CCSER1: variants seen among roughly 807,000 people sequenced by gnomAD.
The protein encoded by CCSER1 is coiled-coil serine rich protein 1, also known as serine-rich coiled-coil domain-containing protein 1.
In CCSER1, 41 loss-of-function variants were observed where a neutral mutation model predicts 82.0. The ratio of observed to expected loss-of-function variants is 0.50; its 90% CI spans 0.39 to 0.65. CCSER1 has a LOEUF of 0.65. CCSER1 is among the 30% of genes least tolerant of loss of function. CCSER1 has a pLI of 0.00. For synonymous variants in CCSER1, 414 were observed against 383.9 expected (o/e 1.08, Z -0.92); for missense variants, 1,119 against 1,064.2 (o/e 1.05, Z -0.72).
chr4:90,332,332 G>T (rs1166272382), intron 3 of CCSER1, among the ~76,000 whole-genome samples: 1 of 151,854 alleles, frequency 6.6e-6, no homozygotes, highest in African/African-American at 2.4e-5. Context: ...CGCCTACTGG[G>T]TTCAAGCAAT....
intron 4 of CCSER1, among the ~76,000 whole-genome samples, chr4:90,425,326 G>GA (rs1757376722): frequency 6.6e-6 from 1 of 152,034 alleles, no homozygotes; most frequent in African/African-American, 2.4e-5. Flanking sequence ...GAGAGAGAGA[G>GA]GAAGAGAGAG....
intron 6 of CCSER1, among the ~76,000 whole-genome samples, chr4:90,632,860 A>G (rs1479259275): frequency 6.6e-6 from 1 of 152,100 alleles, no homozygotes; most frequent in Non-Finnish European, 1.5e-5. Context: ...TACTGAAGTT[A>G]CTTCACAACT....
chr4:91,265,161 A>C (rs563696126), intron 10 of CCSER1, among the ~76,000 whole-genome samples: 2 of 151,980 alleles, frequency 1.3e-5, no homozygotes, highest in Non-Finnish European at 2.9e-5. Flanking sequence ...TTATAGACTA[A>C]TGTCCCTTAC....
intron 10 of CCSER1, among the ~76,000 whole-genome samples, chr4:91,182,175 G>A (rs758460190): frequency 1.3e-5 from 2 of 152,142 alleles, no homozygotes; most frequent in Non-Finnish European, 2.9e-5. Flanking sequence ...TGCTGCAACC[G>A]AAGGGTCCTT....
At chr4:90,377,924 G>A (rs1253328578) in intron 3 of CCSER1, among the ~76,000 whole-genome samples, 2 of 152,076 alleles carry the variant, frequency 1.3e-5, no homozygotes, top group African/African-American at 4.8e-5. Context: ...TATAGAAATA[G>A]TGTCATTGTC....
chr4:90,159,847 T>C (rs980440584), intron 1 of CCSER1, among the ~76,000 whole-genome samples: 3 of 152,222 alleles, frequency 2.0e-5, no homozygotes, highest in African/African-American at 7.2e-5. Flanking sequence ...TTGAGGATTG[T>C]TTTATTTCAG....
At chr4:91,484,793 C>T (rs1758130959) in intron 10 of CCSER1, among the ~76,000 whole-genome samples, 1 of 152,102 alleles carries the variant, frequency 6.6e-6, no homozygotes, top group African/African-American at 2.4e-5. Context: ...ACCACTGAAT[C>T]AGAAACTCTT....
chr4:90,496,361 A>G (rs1769002035), intron 5 of CCSER1, among the ~76,000 whole-genome samples: 1 of 152,196 alleles, frequency 6.6e-6, no homozygotes, highest in Non-Finnish European at 1.5e-5. Flanking sequence ...TGTATTTAGG[A>G]GTTAGAATTT....
rs552408786 is a variant in CCSER1, at chr4:90,548,781, TACAC to T, written c.1725-79238_1725-79235del. On this transcript the variant is annotated intron_variant, in intron 5 of 10. Coordinates refer to ENST00000509176, the MANE Select transcript of CCSER1 (RefSeq NM_001145065.2). Reference sequence around the variant, plus strand: ...ACACACAGACATATATACACACACATACACACACATACTAGCATATTCTTTATCA... The same window carrying T: ...ACACACAGACATATATACACACACATACACATACTAGCATATTCTTTATCA... Among the ~76,000 whole-genome samples the T allele has an allele frequency of 2.8e-4, 42 of 151,416 alleles. 1 individual carries two copies. In the South Asian group the frequency reaches 8.1e-3, roughly 29 times the overall value.
intron 8 of CCSER1, among the ~76,000 whole-genome samples, chr4:90,899,392 C>T (rs1724256379): frequency 6.6e-6 from 1 of 151,936 alleles, no homozygotes; most frequent in Non-Finnish European, 1.5e-5. Context: ...ATCATTTAAT[C>T]ACAAAGAGAG....
At chr4:91,181,039 G>T (rs1019319175) in intron 10 of CCSER1, among the ~76,000 whole-genome samples, 115 of 152,368 alleles carry the variant, frequency 7.5e-4, no homozygotes, top group South Asian at 2.7e-3. Context: ...CGCCCTGGGA[G>T]GGCCAGATGT....
intron 5 of CCSER1, among the ~76,000 whole-genome samples, chr4:90,498,328 C>G (rs895334101): frequency 1.3e-5 from 2 of 152,076 alleles, no homozygotes; most frequent in African/African-American, 2.4e-5. Flanking sequence ...GTAATATTTT[C>G]AGACTGTGAT....
chr4:90,593,287 T>A (rs1226537546), intron 5 of CCSER1, among the ~76,000 whole-genome samples: 1 of 152,124 alleles, frequency 6.6e-6, no homozygotes. Flanking sequence ...AGTTAAATCA[T>A]AGTGTTACTG....
At chr4:91,138,806 C>T (rs1219205134) in intron 10 of CCSER1, among the ~76,000 whole-genome samples, 3 of 151,284 alleles carry the variant, frequency 2.0e-5, no homozygotes, top group Non-Finnish European at 2.9e-5. Flanking sequence ...CAAAAGAAGA[C>T]ATTTATGCAG....
At chr4:91,099,784 A>C (rs1724872969) in intron 10 of CCSER1, among the ~76,000 whole-genome samples, 1 of 152,190 alleles carries the variant, frequency 6.6e-6, no homozygotes, top group Non-Finnish European at 1.5e-5. Flanking sequence ...GTTAAGATAA[A>C]AGACTGTGGA....
chr4:90,909,022 A>G (rs1048033494), intron 8 of CCSER1, among the ~76,000 whole-genome samples: 2 of 152,070 alleles, frequency 1.3e-5, no homozygotes, highest in African/African-American at 2.4e-5. Flanking sequence ...GCAGAGCCAT[A>G]TTTCCTCTGA....
intron 8 of CCSER1, among the ~76,000 whole-genome samples, chr4:90,874,355 A>AT (rs1480059445): frequency 6.6e-6 from 1 of 152,082 alleles, no homozygotes; most frequent in Non-Finnish European, 1.5e-5. Context: ...AAACCTCTAA[A>AT]TTTTTTTAAA....
chr4:90,497,653 A>C (rs1250424928), intron 5 of CCSER1, among the ~76,000 whole-genome samples: 1 of 152,220 alleles, frequency 6.6e-6, no homozygotes, highest in Admixed American at 6.5e-5. Flanking sequence ...GAAATTGAAT[A>C]AAGAATATCA....
At chr4:91,573,138 G>T (rs138953995) in intron 10 of CCSER1, among the ~76,000 whole-genome samples, 2 of 152,166 alleles carry the variant, frequency 1.3e-5, no homozygotes, top group East Asian at 1.9e-4. Context: ...GTGCTGTGCT[G>T]GGGGGAACCC....
Sources: allele counts gnomAD v4.1 joint callset (sites outside exome capture counted in the v4.1 genomes callset), GRCh38; gene constraint gnomAD v4.1.1; transcripts MANE v1.5; gene names NCBI Gene and HGNC (gene_info 2026-07-23, HGNC 2026-07-21).